FAF1: variants seen among roughly 807,000 people sequenced by gnomAD.
The protein encoded by FAF1 is FAS-associated factor 1.
FAF1 carries 25 observed loss-of-function variants against 92.5 expected under a neutral mutation model. The ratio of observed to expected loss-of-function variants is 0.27; its 90% confidence interval spans 0.20 to 0.38. FAF1 has a LOEUF of 0.38. FAF1 is among the 10% of genes least tolerant of loss of function. The pLI is 1.00. For synonymous variants in FAF1, 234 were observed against 273.2 expected (o/e 0.86, Z 1.42); for missense variants, 636 against 793.3 (o/e 0.80, Z 2.38).
At chr1:50,528,127 C>T (rs970407228) in intron 15 of FAF1, among the ~76,000 whole-genome samples, 1 of 152,070 alleles carries the variant, frequency 6.6e-6, no homozygotes, top group Non-Finnish European at 1.5e-5. Flanking sequence ...CTCAGCCTCC[C>T]AAAGTGCTGA....
chr1:50,598,153 G>A (rs541298374), intron 8 of FAF1, among the ~76,000 whole-genome samples: 13 of 152,164 alleles, frequency 8.5e-5, no homozygotes, highest in African/African-American at 3.1e-4. Flanking sequence ...AAGATTAGCT[G>A]GGTATGGGGG....
At chr1:50,502,823 T>C (rs1398805971) in intron 15 of FAF1, among the ~76,000 whole-genome samples, 1 of 152,150 alleles carries the variant, frequency 6.6e-6, no homozygotes, top group Non-Finnish European at 1.5e-5. Flanking sequence ...TTAAACTTTT[T>C]TTTTCTAATT....
At chr1:50,815,072 A>T (rs1007993012) in intron 2 of FAF1, among the ~76,000 whole-genome samples, 4 of 152,234 alleles carry the variant, frequency 2.6e-5, no homozygotes, top group African/African-American at 7.2e-5. Flanking sequence ...AAGATATTTT[A>T]AAATTATTTT....
intron 18 of FAF1, among the ~76,000 whole-genome samples, chr1:50,457,734 A>AAAAAAAAAAAAAAAAC (rs1646372097): frequency 6.7e-6 from 1 of 148,924 alleles, no homozygotes; most frequent in Non-Finnish European, 1.5e-5. Flanking sequence ...CAAAAAAAAA[A>AAAAAAAAAAAAAAAAC]AAAAAAAAAA....
At chr1:50,952,397 C>T (rs1475241526) in intron 1 of FAF1, among the ~76,000 whole-genome samples, 2 of 152,232 alleles carry the variant, frequency 1.3e-5, no homozygotes, top group Admixed American at 6.5e-5. Flanking sequence ...GACGGAGTCT[C>T]GCTCACTCAG....
At chr1:50,621,014 C>T (rs1387020867) in intron 8 of FAF1, among the ~76,000 whole-genome samples, 1 of 152,244 alleles carries the variant, frequency 6.6e-6, no homozygotes, top group African/African-American at 2.4e-5. Context: ...CTTTCCGGAC[C>T]AGCCCTGTGG....
At chr1:50,716,548 A>G (rs2124444923) in intron 6 of FAF1, among the ~76,000 whole-genome samples, 1 of 152,306 alleles carries the variant, frequency 6.6e-6, no homozygotes, top group East Asian at 1.9e-4. Context: ...GTCTAGCTAG[A>G]CAATTGTAAA....
intron 7 of FAF1, among the ~76,000 whole-genome samples, chr1:50,673,931 A>G (rs1656003906): frequency 6.6e-6 from 1 of 152,078 alleles, no homozygotes; most frequent in Admixed American, 6.6e-5. Flanking sequence ...GCAGAATTCA[A>G]AAGGAAATCT....
At chr1:50,628,119 G>C (rs1557443461) in intron 8 of FAF1, among the ~76,000 whole-genome samples, 1 of 152,074 alleles carries the variant, frequency 6.6e-6, no homozygotes, top group East Asian at 1.9e-4. Flanking sequence ...TTCTGTGTGT[G>C]TGTATGCGTG....
At chr1:50,602,836 C>T (rs1330113071) in intron 8 of FAF1, among the ~76,000 whole-genome samples, 2 of 152,058 alleles carry the variant, frequency 1.3e-5, no homozygotes, top group Admixed American at 6.6e-5. Flanking sequence ...TATACATACA[C>T]CCATGAAACC....
chr1:50,836,170 G>GTTTTTTTTTTTTTTTTTTTTTTTTTTTT lies in FAF1; in HGVS notation c.114+21758_114+21759insAAAAAAAAAAAAAAAAAAAAAAAAAAAA, dbSNP rs36053491. On this transcript the variant is annotated intron_variant, in intron 2 of 18. Transcript: ENST00000396153. ...GTGTGTGTTTTTGTTTTTTGTTTCT[G>GTTTTTTTTTTTTTTTTTTTTTTTTTTTT]TTTTTTTTTTTTTTTTTTTAGACAG... 1.4e-4 allele frequency among the ~76,000 whole-genome samples: 14 copies of GTTTTTTTTTTTTTTTTTTTTTTTTTTTT among 98,526 alleles called. 1 individual carries two copies. Among genetic ancestry groups the GTTTTTTTTTTTTTTTTTTTTTTTTTTTT allele is most frequent in the South Asian group, 6.9e-4 (2 of 2,900 alleles). The allele number at this position is 98,526 out of a possible 152,430, so 64.6% of individuals were successfully genotyped here. A position where few individuals can be genotyped will look rare whatever the true frequency, so the allele number is the denominator to read the frequency against.
At chr1:50,518,584 G>A (rs1215326609) in intron 15 of FAF1, among the ~76,000 whole-genome samples, 1 of 152,030 alleles carries the variant, frequency 6.6e-6, no homozygotes, top group Non-Finnish European at 1.5e-5. Context: ...GGGACTACAG[G>A]TGCCTCCCAC....
intron 4 of FAF1, among the ~76,000 whole-genome samples, chr1:50,779,286 A>G (rs923027921): frequency 6.6e-6 from 1 of 152,192 alleles, no homozygotes; most frequent in African/African-American, 2.4e-5. Flanking sequence ...ATTAATGTTG[A>G]TATCTTGACC....
chr1:50,684,780 G>T (rs1000076184), intron 7 of FAF1, among the ~76,000 whole-genome samples: 1 of 152,052 alleles, frequency 6.6e-6, no homozygotes, highest in Non-Finnish European at 1.5e-5. Context: ...TAGATAGAAC[G>T]TGATATAGAT....
At chr1:50,612,472 A>G in intron 8 of FAF1, 3 of 1,082,366 alleles carry the variant, frequency 2.8e-6, no homozygotes, top group Non-Finnish European at 3.4e-6. Flanking sequence ...CAAATATGCA[A>G]GGATACATCT....
intron 4 of FAF1, among the ~76,000 whole-genome samples, chr1:50,753,757 CTTTT>C (rs58567132): frequency 3.1e-5 from 4 of 130,554 alleles, no homozygotes; most frequent in East Asian, 2.2e-4. Flanking sequence ...ATTATCTGTT[CTTTT>C]TTTTTTTTTT....
chr1:50,517,216 C>T (rs1178232896), intron 15 of FAF1, among the ~76,000 whole-genome samples: 4 of 152,084 alleles, frequency 2.6e-5, no homozygotes, highest in African/African-American at 7.2e-5. Flanking sequence ...TTTTCCCCAG[C>T]CCCTGCCCTT....
chr1:50,885,371 C>G (rs1644652450), intron 1 of FAF1, among the ~76,000 whole-genome samples: 1 of 151,248 alleles, frequency 6.6e-6, no homozygotes, highest in African/African-American at 2.4e-5. Context: ...TCTAGGTGCC[C>G]CAGTGTTAGA....
chr1:50,553,000 G>T (rs71651150), intron 13 of FAF1, among the ~76,000 whole-genome samples: 1 of 152,176 alleles, frequency 6.6e-6, no homozygotes, highest in Admixed American at 6.5e-5. Flanking sequence ...GCATACAGAA[G>T]GTGAACAGGC....
Sources: allele counts gnomAD v4.1 joint callset (sites outside exome capture counted in the v4.1 genomes callset), GRCh38; gene constraint gnomAD v4.1.1; transcripts MANE v1.5; gene names NCBI Gene and HGNC (gene_info 2026-07-23, HGNC 2026-07-21).